The following TRAPPC9 variants were observed in gnomAD, a reference collection of about 807,000 sequenced individuals.
TRAPPC9 encodes the protein trafficking protein particle complex subunit 9, also known as IKK2 binding protein.
Under a neutral mutation model 124.0 loss-of-function variants are expected in TRAPPC9, and 83 were observed. That is an observed-to-expected ratio of 0.67 (90% CI 0.56 to 0.80). The LOEUF (loss-of-function observed/expected upper bound fraction) is 0.80, where lower values mean the gene tolerates loss of function less well. Ranked by LOEUF, TRAPPC9 falls within the 30% of genes least tolerant of loss-of-function variation. The pLI is 0.00. For synonymous variants in TRAPPC9, 638 were observed against 617.5 expected (o/e 1.03, Z -0.49); for missense variants, 1,302 against 1,508.3 (o/e 0.86, Z 2.27).
intron 21 of TRAPPC9, among the ~76,000 whole-genome samples, chr8:139,810,004 T>G (rs1165825141): frequency 6.6e-6 from 1 of 152,130 alleles, no homozygotes; most frequent in African/African-American, 2.4e-5. Flanking sequence ...GCTAAATCAC[T>G]GGGTAACTGG....
At chr8:139,860,330 G>A (rs376459117) in intron 21 of TRAPPC9, among the ~76,000 whole-genome samples, 8 of 152,194 alleles carry the variant, frequency 5.3e-5, no homozygotes, top group East Asian at 1.9e-4. Context: ...GCTGTTACAC[G>A]GCTCCAAGGG....
At chr8:139,981,021 C>A (rs185099507) in intron 19 of TRAPPC9, among the ~76,000 whole-genome samples, 1 of 152,330 alleles carries the variant, frequency 6.6e-6, no homozygotes, top group East Asian at 1.9e-4. Context: ...AGAAGAATTT[C>A]TCTTGTCACC....
intron 19 of TRAPPC9, among the ~76,000 whole-genome samples, chr8:139,929,359 T>C (rs74508338): frequency 2.6e-5 from 4 of 152,130 alleles, no homozygotes; most frequent in Admixed American, 2.6e-4. Flanking sequence ...TCTGATACAT[T>C]TGAGTTAAGA....
chr8:140,325,470 A>G (rs2066711565), intron 9 of TRAPPC9, among the ~76,000 whole-genome samples: 1 of 152,260 alleles, frequency 6.6e-6, no homozygotes, highest in Non-Finnish European at 1.5e-5. Context: ...TACGCTCATT[A>G]AGAGGATAAT....
At chr8:139,820,049 A>G (rs1297696729) in intron 21 of TRAPPC9, among the ~76,000 whole-genome samples, 2 of 151,776 alleles carry the variant, frequency 1.3e-5, no homozygotes, top group African/African-American at 4.8e-5. Flanking sequence ...CTACCGTCCA[A>G]AACCATTACA....
intron 21 of TRAPPC9, among the ~76,000 whole-genome samples, chr8:139,816,064 G>A (rs773521795): frequency 6.6e-6 from 1 of 152,228 alleles, no homozygotes; most frequent in African/African-American, 2.4e-5. Context: ...TGGCAAGAAC[G>A]GCTGTGTTTG....
At chr8:140,162,398 G>C (rs980176683) in intron 17 of TRAPPC9, among the ~76,000 whole-genome samples, 21 of 152,132 alleles carry the variant, frequency 1.4e-4, no homozygotes, top group African/African-American at 5.1e-4. Flanking sequence ...TCTAACCTAG[G>C]CCAGTACTGC....
chr8:140,350,668 T>C (rs574286126), intron 9 of TRAPPC9, among the ~76,000 whole-genome samples: 14 of 152,078 alleles, frequency 9.2e-5, no homozygotes, highest in Admixed American at 3.3e-4. Flanking sequence ...TGAGCCCTCA[T>C]GCAGAAGCGC....
intron 21 of TRAPPC9, among the ~76,000 whole-genome samples, chr8:139,763,366 A>C (rs758305623): frequency 6.6e-6 from 1 of 152,234 alleles, no homozygotes; most frequent in Non-Finnish European, 1.5e-5. Context: ...ATTTATCTAG[A>C]AAACTAATTC....
At chr8:140,080,647 C>T (rs529934808) in intron 17 of TRAPPC9, among the ~76,000 whole-genome samples, 2 of 152,278 alleles carry the variant, frequency 1.3e-5, no homozygotes, top group Admixed American at 1.3e-4. Context: ...GAGGGTTCAG[C>T]CCCCATGACC....
At chr8:140,014,065 A>G (rs1257489074) in intron 18 of TRAPPC9, among the ~76,000 whole-genome samples, 1 of 152,200 alleles carries the variant, frequency 6.6e-6, no homozygotes, top group Admixed American at 6.5e-5. Context: ...AAAACTCCAC[A>G]GTGCCCCTTC....
rs142642116 is a variant in TRAPPC9 at position 140,257,869 on chromosome 8, T to C, written c.2279-4940A>G. On this transcript the variant is annotated intron_variant, in intron 15 of 22. Coordinates refer to ENST00000438773, the MANE Select transcript of TRAPPC9 (RefSeq NM_001160372.4). The surrounding 1 kb of genome is among the most constrained non-coding windows in gnomAD (Gnocchi z 4.6). ...CTCTGCACCCAACTGTGTGAGCTGA[T>C]CTTTCTGTTTGTAGCTCTCACTGGG... Among the ~76,000 whole-genome samples, 116 of 152,320 alleles carry C rather than the reference T, an allele frequency of 7.6e-4. No homozygotes were observed. Among genetic ancestry groups the C allele is most frequent in the African/African-American group, 2.6e-3 (110 of 41,562 alleles).
At chr8:140,100,746 C>T (rs999067521) in intron 17 of TRAPPC9, among the ~76,000 whole-genome samples, 1 of 152,172 alleles carries the variant, frequency 6.6e-6, no homozygotes. Flanking sequence ...AGCTGTGAAG[C>T]CTGTGTTTGT....
At chr8:140,127,489 T>C (rs535073518) in intron 17 of TRAPPC9, among the ~76,000 whole-genome samples, 1 of 152,232 alleles carries the variant, frequency 6.6e-6, no homozygotes, top group Non-Finnish European at 1.5e-5. Context: ...CCATGCTTCA[T>C]CCATGACCCT....
At chr8:140,037,173 C>T (rs897500065) in intron 17 of TRAPPC9, among the ~76,000 whole-genome samples, 5 of 152,006 alleles carry the variant, frequency 3.3e-5, no homozygotes, top group East Asian at 1.9e-4. Context: ...GCAGGCTGCC[C>T]GGGCTCAGAC....
chr8:139,756,082 T>G (rs1218368469), intron 21 of TRAPPC9, among the ~76,000 whole-genome samples: 5 of 85,044 alleles, frequency 5.9e-5, no homozygotes, highest in South Asian at 4.9e-4. Context: ...AGCCAGGGTT[T>G]GGGGATGAGG....
At chr8:139,918,150 C>T (rs1024160955) in intron 19 of TRAPPC9, among the ~76,000 whole-genome samples, 4 of 152,208 alleles carry the variant, frequency 2.6e-5, no homozygotes, top group Non-Finnish European at 5.9e-5. Flanking sequence ...ATCTTGAGCT[C>T]CTCACTGTAA....
At chr8:140,100,710 G>A (rs2060562659) in intron 17 of TRAPPC9, 1 of 152,312 alleles carries the variant, frequency 6.6e-6, no homozygotes, top group Non-Finnish European at 1.5e-5. Flanking sequence ...AAGGGCGCTG[G>A]AGATGAGGGT....
rs749556776 is a variant in TRAPPC9, at chr8:140,300,512, T to G, written c.1725A>C (p.Pro575=). Residue 575 remains proline (P), a synonymous_variant, in exon 11 of 23, where the codon CCA becomes CCC. Coordinates refer to ENST00000438773, the MANE Select transcript of TRAPPC9 (RefSeq NM_001160372.4). The part of the protein sequence containing the change: ...VSTKSPFIYS[P]IIAHNRGEER... ...CTTCTCCACGGTTGTGTGCGATAAT[T>G]GGTGAATAGATGAAAGGACTTTTGG... is the stretch of plus-strand genomic sequence containing the variant. 1.2e-6 allele frequency: 2 copies of G among 1,614,186 alleles called. No homozygotes were observed. The highest frequency in any genetic ancestry group is 1.7e-6 in the Non-Finnish European group (2 of 1,180,026).
Sources: allele counts gnomAD v4.1 joint callset (sites outside exome capture counted in the v4.1 genomes callset), GRCh38; gene constraint gnomAD v4.1.1; non-coding constraint Gnocchi (gnomAD v3.1); transcripts MANE v1.5; gene names NCBI Gene and HGNC (gene_info 2026-07-23, HGNC 2026-07-21).